ARID5B: variants seen among roughly 807,000 people sequenced by gnomAD.
ARID5B encodes AT-rich interactive domain-containing protein 5B.
ARID5B carries 13 observed loss-of-function variants against 97.2 expected under a neutral mutation model. The observed-to-expected ratio is 0.13, with a 90% CI of 0.09 to 0.21. The LOEUF (loss-of-function observed/expected upper bound fraction) is 0.21, where lower values mean the gene tolerates loss of function less well. Ranked by LOEUF, ARID5B falls within the 10% of genes least tolerant of loss-of-function variation. ARID5B has a pLI of 1.00. For missense variants in ARID5B, 1,210 were observed against 1,465.3 expected (o/e 0.83, Z 2.84); for synonymous variants, 556 against 570.3 (o/e 0.97, Z 0.36).
intron 8 of ARID5B, among the ~76,000 whole-genome samples, chr10:62,078,576 G>A (rs1053124503): frequency 6.6e-6 from 1 of 152,192 alleles, no homozygotes; most frequent in African/African-American, 2.4e-5. Context: ...AAGAGTCATT[G>A]CTGCAGTTGT....
chr10:61,954,249 C>T (rs909894663), intron 3 of ARID5B, among the ~76,000 whole-genome samples: 13 of 151,452 alleles, frequency 8.6e-5, no homozygotes, highest in Middle Eastern at 3.4e-3. Context: ...CCCAGCTACT[C>T]GGGAGGCTGA....
At chr10:61,971,634 C>T (rs1019115164) in intron 3 of ARID5B, among the ~76,000 whole-genome samples, 2 of 152,178 alleles carry the variant, frequency 1.3e-5, no homozygotes, top group Admixed American at 6.5e-5. Flanking sequence ...AGAAAATGAA[C>T]CTTCATGTAA....
At chr10:61,978,734 T>C in intron 3 of ARID5B, among the ~76,000 whole-genome samples, 1 of 152,246 alleles carries the variant, frequency 6.6e-6, no homozygotes. Context: ...TCGCTGAAGT[T>C]GCTTATCAGC....
intron 8 of ARID5B, among the ~76,000 whole-genome samples, chr10:62,079,852 T>C (rs1044659256): frequency 6.6e-6 from 1 of 152,200 alleles, no homozygotes; most frequent in Non-Finnish European, 1.5e-5. Context: ...ATGAAGCCCC[T>C]GTGAGCAGAT....
intron 2 of ARID5B, among the ~76,000 whole-genome samples, chr10:61,927,697 C>G (rs949975726): frequency 8.5e-5 from 13 of 152,210 alleles, no homozygotes; most frequent in African/African-American, 3.1e-4. Context: ...GTAATAAGAA[C>G]AGTAAGTCCC....
intron 4 of ARID5B, among the ~76,000 whole-genome samples, chr10:62,047,116 G>A (rs1839720374): frequency 6.6e-6 from 1 of 152,094 alleles, no homozygotes; most frequent in South Asian, 2.1e-4. Flanking sequence ...TCTGCTGCCA[G>A]TAACCATTTG....
intron 4 of ARID5B, among the ~76,000 whole-genome samples, chr10:62,035,986 A>G (rs1385056275): frequency 6.6e-6 from 1 of 151,170 alleles, no homozygotes; most frequent in African/African-American, 2.4e-5. Context: ...CACCATGCCC[A>G]TGTAATTTTT....
In ARID5B at chr10:61,926,645, T is replaced by G. The variant is rs1347092082; in HGVS notation, c.277-13538T>G. 2.0e-5 allele frequency among the ~76,000 whole-genome samples: 3 copies of G among 152,286 alleles called. No individual in the cohort carries two copies. In the East Asian group the frequency reaches 5.8e-4, roughly 29 times the overall value. On this transcript the variant is annotated intron_variant, in intron 2 of 9. Coordinates refer to ENST00000279873, the MANE Select transcript of ARID5B (RefSeq NM_032199.3). Reference sequence around the variant, plus strand: ...ATTTTTTTGAGACAGAGTCTCGCTCTGTCACCAGGCTGGAGTGCAGTGGCA... The same window carrying G: ...ATTTTTTTGAGACAGAGTCTCGCTCGGTCACCAGGCTGGAGTGCAGTGGCA...
intron 2 of ARID5B, among the ~76,000 whole-genome samples, chr10:61,905,002 G>A (rs946804399): frequency 8.5e-5 from 13 of 152,256 alleles, no homozygotes; most frequent in African/African-American, 3.1e-4. Flanking sequence ...GCACCTAGAG[G>A]GGGCAACAGG....
chr10:62,069,747 T>A lies in ARID5B; in HGVS notation c.1149T>A (p.Gly383=). 1.2e-6 allele frequency: 2 copies of A among 1,614,128 alleles called. No individual in the cohort carries two copies. The highest frequency in any genetic ancestry group is 1.7e-6 in the Non-Finnish European group (2 of 1,179,984). ...AACATATTTATGATGAATTAGGCGG[T>A]AATCCTGGGAGCACCAGCGCTGCCA... The part of the protein sequence containing the change: ...QWKHIYDELG[G]NPGSTSAATC... Residue 383 remains glycine (G), a synonymous_variant, in exon 8 of 10, where the codon GGT becomes GGA. Transcript: ENST00000279873.
chr10:61,998,914 CTT>C, intron 3 of ARID5B, among the ~76,000 whole-genome samples: 1 of 152,346 alleles, frequency 6.6e-6, no homozygotes, highest in Middle Eastern at 3.4e-3. Flanking sequence ...TTATATGTCT[CTT>C]TTGGATCAAC....
Position 62,076,777 on chromosome 10 carries a change from C to T in ARID5B, c.1199+6980C>T, listed in dbSNP as rs547194877. Among the ~76,000 whole-genome samples the T allele has an allele frequency of 1.4e-4, 22 of 152,250 alleles. No homozygotes were observed. The South Asian group carries it at 4.6e-3, about 32-fold the overall frequency. On this transcript the variant is annotated intron_variant, in intron 8 of 9. Coordinates refer to ENST00000279873, the MANE Select transcript of ARID5B (RefSeq NM_032199.3). ...AAAGGCAGGTAGTGTAGTTTATCCT[C>T]TCATGTCTATGAACTATTATCCTAA...
At chr10:62,054,229 ACATGAAGACTAGCTCC>A (rs1449453285) in intron 5 of ARID5B, among the ~76,000 whole-genome samples, 2 of 152,208 alleles carry the variant, frequency 1.3e-5, no homozygotes, top group African/African-American at 4.8e-5. Flanking sequence ...TCTTAGGTCA[ACATGAAGACTAGCTCC>A]CATTTCCACT....
intron 8 of ARID5B, among the ~76,000 whole-genome samples, chr10:62,077,753 G>T (rs1840157273): frequency 6.6e-6 from 1 of 152,076 alleles, no homozygotes; most frequent in Non-Finnish European, 1.5e-5. Context: ...ATAACAAAAG[G>T]TTTCTACTTG....
chr10:61,959,621 G>T (rs74156295), intron 3 of ARID5B, among the ~76,000 whole-genome samples: 1 of 152,238 alleles, frequency 6.6e-6, no homozygotes, highest in African/African-American at 2.4e-5. Context: ...ATTTTCTTGG[G>T]AGACCATTCA....
At chr10:62,054,342 A>G (rs1839828020) in intron 5 of ARID5B, among the ~76,000 whole-genome samples, 1 of 152,194 alleles carries the variant, frequency 6.6e-6, no homozygotes, top group African/African-American at 2.4e-5. Flanking sequence ...AACTTGATTT[A>G]GTCCTACCCA....
In ARID5B at chr10:62,057,207, A is replaced by G. The variant is rs1564638957; in HGVS notation, c.937A>G (p.Ile313Val). Residue 313 changes from isoleucine to valine, a missense_variant, in exon 6 of 10, where the codon ATT becomes GTT. Transcript: ENST00000279873. ...AAATGAAGAAAAACCAAAGGTTGCC[A>G]TTGGTGAAGAGTGCAGGGCAGATGA... ...VSNEEKPKVA[I>V]GEECRADEQA... 1 of 1,565,988 alleles carries G rather than the reference A, an allele frequency of 6.4e-7. No homozygotes were observed. Among genetic ancestry groups the G allele is most frequent in the East Asian group, 2.5e-5 (1 of 40,566 alleles).
At chr10:62,070,455 T>C (rs1199990147) in intron 8 of ARID5B, among the ~76,000 whole-genome samples, 1 of 152,240 alleles carries the variant, frequency 6.6e-6, no homozygotes, top group African/African-American at 2.4e-5. Flanking sequence ...AGCAGATTAA[T>C]GCATTATCCC....
intron 5 of ARID5B, among the ~76,000 whole-genome samples, chr10:62,055,165 G>C (rs879771449): frequency 6.6e-6 from 1 of 152,096 alleles, no homozygotes; most frequent in East Asian, 1.9e-4. Context: ...AATAAGATAG[G>C]CTTTTTAATT....
Sources: allele counts gnomAD v4.1 joint callset (sites outside exome capture counted in the v4.1 genomes callset), GRCh38; gene constraint gnomAD v4.1.1; transcripts MANE v1.5; gene names NCBI Gene and HGNC (gene_info 2026-07-23, HGNC 2026-07-21).